The following CFHR2 variants were observed in gnomAD, a reference collection of about 807,000 sequenced individuals.
CFHR2 encodes complement factor H-related protein 2.
In CFHR2, 22 loss-of-function variants were observed where a neutral mutation model predicts 21.7. The observed-to-expected ratio is 1.01, with a 90% CI of 0.72 to 1.45. The LOEUF is 1.45. CFHR2 is among the 40% of genes most tolerant of loss of function. The pLI, the probability that CFHR2 is intolerant of heterozygous loss-of-function variation, is 0.00. For synonymous variants in CFHR2, 98 were observed against 97.4 expected (o/e 1.01, Z -0.04); for missense variants, 294 against 293.3 (o/e 1.00, Z -0.02).
rs567060432 is a variant in CFHR2, at chr1:196,955,287, C to T, written c.431-2604C>T. On this transcript the variant is annotated intron_variant, in intron 3 of 4. Coordinates refer to ENST00000367415, the MANE Select transcript of CFHR2 (RefSeq NM_005666.4). ...TAAGTTTCTCATCTCCATCTAAGACCGCTTCAGCCTGGACTTCATTGTCCA... is the reference window on the plus strand; with the variant it reads ...TAAGTTTCTCATCTCCATCTAAGACTGCTTCAGCCTGGACTTCATTGTCCA... Among the ~76,000 whole-genome samples the T allele has an allele frequency of 2.2e-4, 34 of 152,226 alleles. No individual in the cohort carries two copies. The East Asian group carries it at 4.3e-3, about 19-fold the overall frequency.
rs114631700 is a variant in CFHR2, at chr1:196,947,069, C to A, written c.59-2386C>A. Among the ~76,000 whole-genome samples, 1,160 of 151,964 alleles carry A rather than the reference C, an allele frequency of 7.6e-3. 18 individuals carry two copies. The highest frequency in any genetic ancestry group is 0.027 in the African/African-American group (1,108 of 41,430). On this transcript the variant is annotated intron_variant, in intron 1 of 4. Coordinates refer to ENST00000367415, the MANE Select transcript of CFHR2 (RefSeq NM_005666.4). Reference sequence around the variant, plus strand: ...TCTTATGGGTCCACTGTCACATGAGCGATCAGTCATTGACCAAAATGTCAT... The same window carrying A: ...TCTTATGGGTCCACTGTCACATGAGAGATCAGTCATTGACCAAAATGTCAT...
intron 4 of CFHR2, 99 bp downstream of exon 4, chr1:196,958,172 C>T: frequency 8.0e-7 from 1 of 1,255,844 alleles, no homozygotes; most frequent in Admixed American, 1.8e-5. Flanking sequence ...AACAAACAAG[C>T]ATTCTGCTGA....
chr1:196,952,225 A>C (rs1177861467), intron 3 of CFHR2, among the ~76,000 whole-genome samples: 1 of 152,162 alleles, frequency 6.6e-6, no homozygotes, highest in African/African-American at 2.4e-5. Context: ...GCAGTGAGCT[A>C]TGACTGCACC....
chr1:196,952,041 G>A lies in CFHR2; in HGVS notation c.430+1013G>A, dbSNP rs1441581859. Among the ~76,000 whole-genome samples, 3 of 152,250 alleles carry A rather than the reference G, an allele frequency of 2.0e-5. No homozygotes were observed. The East Asian group carries it at 5.8e-4, about 29-fold the overall frequency. The stretch of plus-strand genomic sequence containing the variant: ...TTGATACCAGCTATTCCATCCAATA[G>A]GAAATAGAATCCGTGGTATGCCTTT... On this transcript the variant is annotated intron_variant, in intron 3 of 4. Transcript: ENST00000367415.
intron 2 of CFHR2, among the ~76,000 whole-genome samples, chr1:196,950,627 C>T (rs934783373): frequency 1.3e-5 from 2 of 152,070 alleles, no homozygotes; most frequent in African/African-American, 4.8e-5. Flanking sequence ...GTGCACACCA[C>T]TATGCCCGCT....
At chr1:196,949,398 A>G in intron 1 of CFHR2, 57 bp from the exon 2 acceptor site, 6 of 1,475,722 alleles carry the variant, frequency 4.1e-6, no homozygotes, top group Non-Finnish European at 1.9e-6. Context: ...AATATAGTCT[A>G]GTGATTTATT....
chr1:196,956,250 A>G (rs1286337107), intron 3 of CFHR2, among the ~76,000 whole-genome samples: 2 of 152,206 alleles, frequency 1.3e-5, no homozygotes, highest in African/African-American at 4.8e-5. Context: ...TCCAGCTACC[A>G]ATATCTCCTC....
At chr1:196,948,205 G>A (rs1659588150) in intron 1 of CFHR2, among the ~76,000 whole-genome samples, 1 of 152,206 alleles carries the variant, frequency 6.6e-6, no homozygotes, top group East Asian at 1.9e-4. Context: ...GGATATGCAA[G>A]TCTCTAAGAC....
intron 1 of CFHR2, among the ~76,000 whole-genome samples, chr1:196,948,710 C>T (rs182116811): frequency 7.3e-5 from 11 of 150,664 alleles, no homozygotes; most frequent in South Asian, 4.2e-4. Context: ...TGTTTTTTTC[C>T]GAATATTTTT....
intron 3 of CFHR2, among the ~76,000 whole-genome samples, chr1:196,956,474 CT>C (rs1652884457): frequency 6.6e-6 from 1 of 152,144 alleles, no homozygotes; most frequent in African/African-American, 2.4e-5. Flanking sequence ...TTTCTCTTCT[CT>C]TTCTGGATTG....
chr1:196,946,484 T>C (rs1006582775), intron 1 of CFHR2, among the ~76,000 whole-genome samples: 2 of 152,212 alleles, frequency 1.3e-5, no homozygotes, highest in African/African-American at 2.4e-5. Flanking sequence ...ATTGTAGAGA[T>C]GTACAAAAGA....
intron 1 of CFHR2, among the ~76,000 whole-genome samples, chr1:196,944,280 A>G (rs1256611680): frequency 6.7e-6 from 1 of 148,576 alleles, no homozygotes; most frequent in Non-Finnish European, 1.5e-5. Flanking sequence ...AGAACAATCA[A>G]TCTCAAAAAG....
At position 196,959,319 on chromosome 1, in the gene CFHR2, A is replaced by T. The variant is rs373726688; in HGVS notation, c.*239A>T. 5.5e-4 allele frequency: 225 copies of T among 410,776 alleles called. No homozygotes were observed. The highest frequency in any genetic ancestry group is 4.1e-3 in the African/African-American group (204 of 49,222). 25.4% of individuals were successfully genotyped at this position (410,776 alleles called of 1,614,324 possible). On this transcript the variant is annotated 3_prime_UTR_variant, in exon 5 of 5. Coordinates refer to ENST00000367415, the MANE Select transcript of CFHR2 (RefSeq NM_005666.4). ...TTTTTTTCTTTTTAAAAAAATTGAC[A>T]ATAACTGTATATATTCATGGAGTAC... is the stretch of plus-strand genomic sequence containing the variant.
chr1:196,953,862 A>G (rs1291438607), intron 3 of CFHR2, among the ~76,000 whole-genome samples: 1 of 152,128 alleles, frequency 6.6e-6, no homozygotes, highest in Non-Finnish European at 1.5e-5. Context: ...ATTTATTTGG[A>G]TTATTTACTT....
intron 3 of CFHR2, among the ~76,000 whole-genome samples, chr1:196,957,319 T>C (rs1452997132): frequency 6.7e-6 from 1 of 150,164 alleles, no homozygotes; most frequent in Non-Finnish European, 1.5e-5. Flanking sequence ...TCTCTACATC[T>C]TTCAGAGTCT....
rs142929868 is a variant in CFHR2, at chr1:196,951,021, G to A, written c.423G>A (p.Arg141=). The part of the protein sequence containing the change: ...ERGWSTPPKC[R]STISAEKCGP... ...GCTGGTCCACTCCTCCCAAATGCAGGTCCACTAGTAAGTGCAATGTTGTTC... is the reference window on the plus strand; with the variant it reads ...GCTGGTCCACTCCTCCCAAATGCAGATCCACTAGTAAGTGCAATGTTGTTC... Residue 141 remains arginine, a synonymous_variant, in exon 3 of 5, where the codon AGG becomes AGA. Coordinates refer to ENST00000367415, the MANE Select transcript of CFHR2 (RefSeq NM_005666.4). 1.9e-6 allele frequency: 3 copies of A among 1,613,848 alleles called. No homozygotes were observed. The highest frequency in any genetic ancestry group is 2.5e-6 in the Non-Finnish European group (3 of 1,179,942).
chr1:196,959,295 T>C lies in CFHR2; in HGVS notation c.*215T>C, dbSNP rs952093998. ...AAGTAACAACCTAGGAATTGTCTTT[T>C]TTTTTCTTTTTAAAAAAATTGACAA... On this transcript the variant is annotated 3_prime_UTR_variant, in exon 5 of 5. Coordinates refer to ENST00000367415, the MANE Select transcript of CFHR2 (RefSeq NM_005666.4). 8.8e-6 allele frequency: 4 copies of C among 452,284 alleles called. No homozygotes were observed. The highest frequency in any genetic ancestry group is 1.6e-5 in the Non-Finnish European group (4 of 256,276). The allele number at this position is 452,284 out of a possible 1,614,324, so 28.0% of individuals were successfully genotyped here.
chr1:196,945,863 G>A (rs1341041097), intron 1 of CFHR2, among the ~76,000 whole-genome samples: 2 of 151,548 alleles, frequency 1.3e-5, no homozygotes, highest in African/African-American at 4.9e-5. Context: ...GCGTCCTTAG[G>A]CGATTTCCTT....
At chr1:196,952,319 C>G (rs993093756) in intron 3 of CFHR2, among the ~76,000 whole-genome samples, 6 of 152,106 alleles carry the variant, frequency 3.9e-5, no homozygotes, top group Non-Finnish European at 5.9e-5. Context: ...CTTAAAACAG[C>G]TGAAACTGTG....
Sources: gnomAD v4.1 joint callset for allele counts (sites outside exome capture counted in the v4.1 genomes callset) on GRCh38, gnomAD v4.1.1 for gene constraint, MANE v1.5 for transcripts, NCBI Gene and HGNC (gene_info 2026-07-23, HGNC 2026-07-21) for gene names.